The following TENM2 variants were observed in gnomAD, a reference collection of about 807,000 sequenced individuals.
TENM2 encodes the protein teneurin-2.
Under a neutral mutation model 245.2 loss-of-function variants are expected in TENM2, and 52 were observed. The ratio of observed to expected loss-of-function variants is 0.21; its 90% CI spans 0.17 to 0.27. The LOEUF is 0.27. Ranked by LOEUF, TENM2 falls within the 10% of genes least tolerant of loss-of-function variation. The pLI, the probability that TENM2 is intolerant of heterozygous loss-of-function variation, is 1.00. For missense variants in TENM2, 3,046 were observed against 3,666.8 expected (o/e 0.83, Z 4.37); for synonymous variants, 1,363 against 1,438.9 (o/e 0.95, Z 1.19).
intron 2 of TENM2, among the ~76,000 whole-genome samples, chr5:167,515,674 T>TATATACAC (rs1770326140): frequency 7.8e-6 from 1 of 128,612 alleles, no homozygotes; most frequent in African/African-American, 4.0e-5. Context: ...TATATGTGTA[T>TATATACAC]ATATATTTTG....
chr5:167,243,703 A>G, the TENM2 span, among the ~76,000 whole-genome samples: 1 of 152,020 alleles, frequency 6.6e-6, no homozygotes, highest in African/African-American at 2.4e-5. Context: ...AGATCTTGTG[A>G]TATTAATCAG....
chr5:167,533,219 G>A (rs1440776662), intron 2 of TENM2, among the ~76,000 whole-genome samples: 1 of 152,144 alleles, frequency 6.6e-6, no homozygotes, highest in African/African-American at 2.4e-5. Context: ...GGTTTAGTAA[G>A]AGTTAAAGCA....
chr5:167,350,734 GAT>G (rs771716040), intron 1 of TENM2, among the ~76,000 whole-genome samples: 5,421 of 64,280 alleles, frequency 0.084, 246 homozygotes, highest in Non-Finnish European at 0.1. Context: ...TATACATATG[GAT>G]ATATATATAT....
chr5:167,375,205 C>T (rs1257893748), exon 2 of TENM2: 1 of 1,551,602 alleles, frequency 6.4e-7, no homozygotes, highest in Middle Eastern at 1.7e-4. Flanking sequence ...TAGGAACCAA[C>T]TTCACCCTTG....
intron 2 of TENM2, among the ~76,000 whole-genome samples, chr5:167,522,124 C>T (rs1171813875): frequency 6.6e-6 from 1 of 152,074 alleles, no homozygotes; most frequent in Non-Finnish European, 1.5e-5. Flanking sequence ...AAAAATATCC[C>T]TACTCTTTAA....
chr5:168,195,763 T>G (rs1425403471), intron 15 of TENM2, among the ~76,000 whole-genome samples: 1 of 151,762 alleles, frequency 6.6e-6, no homozygotes, highest in East Asian at 1.9e-4. Context: ...GCTTTAGGAG[T>G]TGTGTTGTTT....
chr5:167,146,004 A>G, the TENM2 span, among the ~76,000 whole-genome samples: 1 of 151,976 alleles, frequency 6.6e-6, no homozygotes, highest in African/African-American at 2.4e-5. Context: ...GACAGATGGG[A>G]GCTTCGTTTA....
intron 27 of TENM2, among the ~76,000 whole-genome samples, chr5:168,252,767 A>C (rs985111265): frequency 3.1e-4 from 47 of 151,648 alleles, no homozygotes. Context: ...GAATCGCTTT[A>C]ACTTGGGAGG....
At chr5:168,128,344 T>C (rs1796002811) in intron 12 of TENM2, among the ~76,000 whole-genome samples, 1 of 152,220 alleles carries the variant, frequency 6.6e-6, no homozygotes, top group African/African-American at 2.4e-5. Context: ...TTACAATAGC[T>C]TCCATTCATC....
intron 3 of TENM2, among the ~76,000 whole-genome samples, chr5:167,879,857 T>C (rs1773731150): frequency 6.6e-6 from 1 of 152,142 alleles, no homozygotes. Context: ...GCCCTAACCC[T>C]TTTTAAAGAG....
intron 1 of TENM2, among the ~76,000 whole-genome samples, chr5:167,305,491 T>C (rs1487786507): frequency 1.3e-5 from 2 of 152,188 alleles, no homozygotes; most frequent in Non-Finnish European, 2.9e-5. Context: ...TATCAACCCT[T>C]CTCAGGAAAC....
the TENM2 span, chr5:167,116,763 T>G: frequency 6.6e-6 from 1 of 152,120 alleles, no homozygotes; most frequent in African/African-American, 2.4e-5. Flanking sequence ...GATCTAATAA[T>G]TCAAAAATTT....
At chr5:167,525,549 A>C (rs1771053843) in intron 2 of TENM2, among the ~76,000 whole-genome samples, 1 of 152,142 alleles carries the variant, frequency 6.6e-6, no homozygotes, top group Non-Finnish European at 1.5e-5. Context: ...AGATGCCAAT[A>C]ATATGGAAAT....
chr5:167,878,651 A>C (rs541176888), intron 3 of TENM2, among the ~76,000 whole-genome samples: 1 of 151,978 alleles, frequency 6.6e-6, no homozygotes, highest in Non-Finnish European at 1.5e-5. Context: ...TGGGGATTCT[A>C]TCAAGATTTG....
intron 5 of TENM2, among the ~76,000 whole-genome samples, chr5:168,025,289 G>A (rs1044601203): frequency 3.3e-5 from 5 of 152,218 alleles, no homozygotes; most frequent in Non-Finnish European, 5.9e-5. Flanking sequence ...CATTTGCATA[G>A]CATCCATGCT....
chr5:168,222,084 G>C (rs899613954), intron 23 of TENM2, among the ~76,000 whole-genome samples: 1 of 152,216 alleles, frequency 6.6e-6, no homozygotes, highest in Non-Finnish European at 1.5e-5. Flanking sequence ...GCACACCTCT[G>C]TCTCCTTCCT....
At chr5:168,020,472 A>C (rs1786045291) in intron 5 of TENM2, among the ~76,000 whole-genome samples, 1 of 152,102 alleles carries the variant, frequency 6.6e-6, no homozygotes, top group African/African-American at 2.4e-5. Context: ...GTTTGACTTC[A>C]CCTGGTTATG....
At chr5:168,017,769 A>G (rs1378317894) in intron 5 of TENM2, among the ~76,000 whole-genome samples, 1 of 152,098 alleles carries the variant, frequency 6.6e-6, no homozygotes, top group East Asian at 1.9e-4. Flanking sequence ...CTGTTTTTTC[A>G]GTTGTGGCTA....
intron 1 of TENM2, among the ~76,000 whole-genome samples, chr5:167,363,740 AAAAAAAG>A (rs1759856762): frequency 6.6e-6 from 1 of 150,472 alleles, no homozygotes; most frequent in Non-Finnish European, 1.5e-5. Context: ...CAAAAAAAAA[AAAAAAAG>A]AAAAGAAAAA....
Sources: allele counts gnomAD v4.1 joint callset (sites outside exome capture counted in the v4.1 genomes callset), GRCh38; gene constraint gnomAD v4.1.1; transcripts MANE v1.5; gene names NCBI Gene and HGNC (gene_info 2026-07-23, HGNC 2026-07-21).